Variants in TMEM132C observed in about 807,000 individuals in gnomAD.
TMEM132C encodes protein phosphatase 1, regulatory subunit 152.
TMEM132C carries 29 observed loss-of-function variants against 61.4 expected under a neutral mutation model. The observed-to-expected ratio is 0.47, with a 90% CI of 0.35 to 0.64. The LOEUF (loss-of-function observed/expected upper bound fraction) is 0.64. TMEM132C is among the 30% of genes least tolerant of loss of function. The pLI is 0.00. For synonymous variants in TMEM132C, 656 were observed against 633.1 expected (o/e 1.04, Z -0.54); for missense variants, 1,408 against 1,476.9 (o/e 0.95, Z 0.76).
chr12:128,592,799 G>GGT (rs1190737604), intron 3 of TMEM132C, among the ~76,000 whole-genome samples: 1 of 152,214 alleles, frequency 6.6e-6, no homozygotes, highest in Non-Finnish European at 1.5e-5. Context: ...TTAACTGCAG[G>GGT]GTCCTGGCCC....
chr12:128,525,318 TTC>T (rs750943698), intron 2 of TMEM132C, among the ~76,000 whole-genome samples: 42 of 150,134 alleles, frequency 2.8e-4, no homozygotes, highest in African/African-American at 8.9e-4. Flanking sequence ...TCCTTTGCAC[TTC>T]TCTCTCTCTC....
intron 2 of TMEM132C, among the ~76,000 whole-genome samples, chr12:128,513,816 C>G (rs1872641200): frequency 6.6e-6 from 1 of 152,284 alleles, no homozygotes; most frequent in Middle Eastern, 3.4e-3. Flanking sequence ...CTCACATGCA[C>G]GATCAGCAGG....
At chr12:128,498,765 T>C (rs2136107008) in intron 2 of TMEM132C, among the ~76,000 whole-genome samples, 1 of 152,268 alleles carries the variant, frequency 6.6e-6, no homozygotes, top group African/African-American at 2.4e-5. Context: ...TTTTCATTTA[T>C]GATAGCATCA....
intron 2 of TMEM132C, among the ~76,000 whole-genome samples, chr12:128,426,701 C>A (rs887429885): frequency 1.3e-5 from 2 of 152,122 alleles, no homozygotes; most frequent in African/African-American, 4.8e-5. Flanking sequence ...TCCCCTGTCC[C>A]CCTCCGCAGC....
chr12:128,676,909 T>A (rs1469785163), intron 5 of TMEM132C, among the ~76,000 whole-genome samples: 1 of 152,222 alleles, frequency 6.6e-6, no homozygotes, highest in Non-Finnish European at 1.5e-5. Context: ...ATGTGCAGGT[T>A]AATAGGAGTC....
chr12:128,593,528 G>T (rs762026555), intron 3 of TMEM132C, among the ~76,000 whole-genome samples: 4 of 152,208 alleles, frequency 2.6e-5, no homozygotes, highest in Admixed American at 6.5e-5. Flanking sequence ...ACCTGGATAT[G>T]CCTGATTCCT....
intron 5 of TMEM132C, among the ~76,000 whole-genome samples, chr12:128,670,943 G>A (rs1405172738): frequency 6.6e-6 from 1 of 152,112 alleles, no homozygotes; most frequent in African/African-American, 2.4e-5. Flanking sequence ...GTTTTTCAAG[G>A]TTAGCAGCAA....
intron 1 of TMEM132C, among the ~76,000 whole-genome samples, chr12:128,395,989 G>T (rs1243036875): frequency 6.6e-6 from 1 of 152,202 alleles, no homozygotes; most frequent in Non-Finnish European, 1.5e-5. Flanking sequence ...ATGGCTGGAT[G>T]GGTAGCAGCT....
chr12:128,652,440 C>T (rs765213697), intron 4 of TMEM132C, among the ~76,000 whole-genome samples: 4 of 152,274 alleles, frequency 2.6e-5, no homozygotes, highest in Non-Finnish European at 5.9e-5. Flanking sequence ...AAAGGGTCAG[C>T]GATGAGGGTC....
intron 3 of TMEM132C, among the ~76,000 whole-genome samples, chr12:128,559,403 A>G (rs886371823): frequency 2.6e-5 from 4 of 152,120 alleles, no homozygotes; most frequent in African/African-American, 9.7e-5. Flanking sequence ...GCCTGGAAGT[A>G]CTGCTTTGAA....
chr12:128,424,714 A>G (rs1325763571), intron 2 of TMEM132C, among the ~76,000 whole-genome samples: 1 of 152,256 alleles, frequency 6.6e-6, no homozygotes, highest in Non-Finnish European at 1.5e-5. Context: ...TGACAAAGTG[A>G]TATCCCAAGA....
At chr12:128,413,311 A>AAAAAC (rs1555223250) in intron 1 of TMEM132C, among the ~76,000 whole-genome samples, 2 of 150,754 alleles carry the variant, frequency 1.3e-5, no homozygotes, top group African/African-American at 4.8e-5. Context: ...AAAAAAAAAA[A>AAAAAC]AAAAAAAAAA....
In TMEM132C at chr12:128,705,375, G is replaced by A. The variant is rs999891946; in HGVS notation, c.2407G>A (p.Asp803Asn). The change falls in exon 9 of 9, where the codon GAT (aspartate) becomes AAT (asparagine). Residue 803 changes from aspartate (D) to asparagine (N), a missense_variant. By Grantham distance (23) the Asp-to-Asn change is conservative. Transcript: ENST00000435159. ...GNVRVKFGQN[D>N]ADSSPGGDYE... The stretch of plus-strand genomic sequence containing the variant: ...CGTCAGGGTCAAGTTCGGACAGAAC[G>A]ATGCTGACTCCAGCCCCGGCGGGGA... 5.8e-6 allele frequency: 9 copies of A among 1,551,236 alleles called. No homozygotes were observed. The highest frequency in any genetic ancestry group is 2.4e-5 in the East Asian group (1 of 40,926).
intron 1 of TMEM132C, among the ~76,000 whole-genome samples, chr12:128,384,267 G>A (rs1874507098): frequency 6.6e-6 from 1 of 152,154 alleles, no homozygotes; most frequent in Non-Finnish European, 1.5e-5. Flanking sequence ...TGGGCCACAG[G>A]ATGGGAAAAG....
chr12:128,415,384 C>G lies in TMEM132C; in HGVS notation c.738C>G (p.Phe246Leu). Residue 246 changes from phenylalanine to leucine, a missense_variant, in exon 2 of 9, where the codon TTC becomes TTG. Phe to Leu is a conservative substitution (Grantham distance 22). Coordinates refer to ENST00000435159, the MANE Select transcript of TMEM132C (RefSeq NM_001136103.3). This position sits in a 1 kb window ranked among gnomAD's most constrained non-coding sequence, Gnocchi z 5.8. Reference sequence around the variant, plus strand: ...GAGGGGACTGTGCCGGGGGTGACTTCAGGAAGGGCAACGCCATCCGTCCAG... The same window carrying G: ...GAGGGGACTGTGCCGGGGGTGACTTGAGGAAGGGCAACGCCATCCGTCCAG... ...NERGDCAGGD[F>L]RKGNAIRPGK... 1.9e-6 allele frequency: 3 copies of G among 1,551,410 alleles called. No homozygotes were observed. The highest frequency in any genetic ancestry group is 2.6e-6 in the Non-Finnish European group (3 of 1,146,272).
chr12:128,540,856 G>A (rs567173935), intron 2 of TMEM132C, among the ~76,000 whole-genome samples: 10 of 152,148 alleles, frequency 6.6e-5, no homozygotes, highest in South Asian at 4.2e-4. Context: ...CCCGCGGGTC[G>A]AGGGCTCACT....
intron 3 of TMEM132C, 64 bp downstream of exon 3, chr12:128,544,167 G>A (rs12812251): frequency 8.0e-5 from 116 of 1,448,952 alleles, no homozygotes; most frequent in African/African-American, 7.2e-5. Context: ...CGGCTGGTGC[G>A]TAAGAGCCTT....
chr12:128,585,139 G>T (rs546675538), intron 3 of TMEM132C, among the ~76,000 whole-genome samples: 2 of 152,340 alleles, frequency 1.3e-5, no homozygotes, highest in East Asian at 3.9e-4. Flanking sequence ...TACAGGCCGT[G>T]GCTACTTTTT....
At position 128,688,969 on chromosome 12, in the gene TMEM132C, T is replaced by TTTTTTGTTTTTG. The variant is rs201790656; in HGVS notation, c.1450-4849_1450-4838dup. On this transcript the variant is annotated intron_variant, in intron 5 of 8. Coordinates refer to ENST00000435159, the MANE Select transcript of TMEM132C (RefSeq NM_001136103.3). ...CCACCATGTCTGGCTAGTTGTTGTT[T>TTTTTTGTTTTTG]TTTTTGTTTTTGTTTTTGTTTTATT... Among the ~76,000 whole-genome samples, 8 of 151,726 alleles carry TTTTTTGTTTTTG rather than the reference T, an allele frequency of 5.3e-5. No individual in the cohort carries two copies. The East Asian group carries it at 1.6e-3, about 30-fold the overall frequency.
Sources: allele counts gnomAD v4.1 joint callset (sites outside exome capture counted in the v4.1 genomes callset), GRCh38; gene constraint gnomAD v4.1.1; non-coding constraint Gnocchi (gnomAD v3.1); transcripts MANE v1.5; gene names NCBI Gene and HGNC (gene_info 2026-07-23, HGNC 2026-07-21).